The following LEPR variants were observed in gnomAD, a reference collection of about 807,000 sequenced individuals.
LEPR encodes leptin receptor, also known as OB receptor.
A neutral mutation model predicts 114.7 loss-of-function variants in LEPR; 56 were observed. The ratio of observed to expected loss-of-function variants is 0.49; its 90% confidence interval spans 0.39 to 0.61. The LOEUF (loss-of-function observed/expected upper bound fraction) is 0.61, where lower values mean the gene tolerates loss of function less well. LEPR is among the 20% of genes least tolerant of loss of function. LEPR has a pLI of 0.00. For missense variants in LEPR, 1,202 were observed against 1,352.9 expected (o/e 0.89, Z 1.75); for synonymous variants, 443 against 461.4 (o/e 0.96, Z 0.51).
At chr1:65,583,948 T>G (rs1194824847) in intron 5 of LEPR, among the ~76,000 whole-genome samples, 1 of 152,226 alleles carries the variant, frequency 6.6e-6, no homozygotes, top group Middle Eastern at 3.4e-3. Flanking sequence ...GCAAAATGCA[T>G]TTTTTGTAAA....
At position 65,618,060 on chromosome 1, in the gene LEPR, T is replaced by A. The variant is rs764656309; in HGVS notation, c.2309T>A (p.Phe770Tyr). 1.2e-6 allele frequency: 2 copies of A among 1,612,602 alleles called. No homozygotes were observed. The highest frequency in any genetic ancestry group is 1.7e-6 in the Non-Finnish European group (2 of 1,179,398). Reference sequence around the variant, plus strand: ...CCCAGTGATTACAAGCTAATGTATTTTATTATTGAGTGGAAAAATCTTAAT... The same window carrying A: ...CCCAGTGATTACAAGCTAATGTATTATATTATTGAGTGGAAAAATCTTAAT... ...LSPSDYKLMY[F>Y]IIEWKNLNED... Residue 770 changes from phenylalanine to tyrosine, a missense_variant, in exon 16 of 20, where the codon TTT becomes TAT. Phe to Tyr is a conservative substitution (Grantham distance 22). Transcript: ENST00000349533.
intron 2 of LEPR, chr1:65,427,862 A>T (rs1646410841): frequency 3.5e-6 from 1 of 286,470 alleles, no homozygotes; most frequent in African/African-American, 2.2e-5. Flanking sequence ...GCTGGTCTTG[A>T]ACTCCTGGCC....
intron 7 of LEPR, among the ~76,000 whole-genome samples, chr1:65,598,265 T>G (rs766069923): frequency 1.3e-5 from 2 of 151,934 alleles, no homozygotes; most frequent in African/African-American, 4.8e-5. Context: ...TTCATGCTCT[T>G]CTGTACAGGG....
intron 8 of LEPR, among the ~76,000 whole-genome samples, chr1:65,600,573 A>C (rs536767587): frequency 6.6e-6 from 1 of 152,160 alleles, no homozygotes; most frequent in African/African-American, 2.4e-5. Context: ...TACAACTGAA[A>C]TGTACTGACG....
At chr1:65,487,356 A>G (rs1198114360) in intron 2 of LEPR, among the ~76,000 whole-genome samples, 1 of 152,152 alleles carries the variant, frequency 6.6e-6, no homozygotes, top group African/African-American at 2.4e-5. Context: ...GATGTTTGTC[A>G]TATCTATTTT....
At chr1:65,542,739 T>A (rs964869392) in intron 2 of LEPR, among the ~76,000 whole-genome samples, 2 of 151,974 alleles carry the variant, frequency 1.3e-5, no homozygotes, top group Non-Finnish European at 1.5e-5. Context: ...CTGTGTTAGT[T>A]TGCTGAGAAT....
At chr1:65,518,426 C>A (rs901757051) in intron 2 of LEPR, among the ~76,000 whole-genome samples, 1 of 152,140 alleles carries the variant, frequency 6.6e-6, no homozygotes, top group African/African-American at 2.4e-5. Context: ...TTTTGTGTGA[C>A]TGAATACTGA....
At chr1:65,482,626 C>A (rs558988453) in intron 2 of LEPR, among the ~76,000 whole-genome samples, 1 of 152,074 alleles carries the variant, frequency 6.6e-6, no homozygotes, top group Non-Finnish European at 1.5e-5. Flanking sequence ...TGGTTACTTA[C>A]ATGGAAGAAG....
rs1262640272 is a variant in LEPR at position 65,641,367 on chromosome 1, T to A, written c.*4352T>A. 6.6e-6 allele frequency: 1 copy of A among 152,218 alleles called. No homozygotes were observed. The highest frequency in any genetic ancestry group is 1.9e-4 in the East Asian group (1 of 5,194). 9.4% of individuals were successfully genotyped at this position (152,218 alleles called of 1,614,324 possible). ...TTAATACTTTCTCTTTAGTCACAAC[T>A]GGTATTTTAATAAATGTTATAAACG... On this transcript the variant is annotated 3_prime_UTR_variant, in exon 20 of 20. Transcript: ENST00000349533.
chr1:65,458,524 A>T (rs1369170663), intron 2 of LEPR, among the ~76,000 whole-genome samples: 1 of 152,152 alleles, frequency 6.6e-6, no homozygotes, highest in Non-Finnish European at 1.5e-5. Flanking sequence ...TTTTGAAGAG[A>T]ATTCCAACGT....
chr1:65,544,703 T>A (rs1041649642), intron 2 of LEPR, among the ~76,000 whole-genome samples: 1 of 13,790 alleles, frequency 7.3e-5, no homozygotes, highest in East Asian at 2.9e-4. Flanking sequence ...AATCATGCGG[T>A]TTTTTTTTGC....
At chr1:65,513,672 G>T (rs920886992) in intron 2 of LEPR, among the ~76,000 whole-genome samples, 3 of 152,186 alleles carry the variant, frequency 2.0e-5, no homozygotes, top group African/African-American at 7.2e-5. Context: ...CAATTATCAG[G>T]ATTGTCAGAA....
chr1:65,615,581 G>A (rs1202898768), intron 14 of LEPR, among the ~76,000 whole-genome samples: 1 of 152,028 alleles, frequency 6.6e-6, no homozygotes, highest in African/African-American at 2.4e-5. Context: ...CACCTTCACA[G>A]CTCTTGTTGT....
chr1:65,452,161 A>G (rs368097881), intron 2 of LEPR, among the ~76,000 whole-genome samples: 27 of 152,246 alleles, frequency 1.8e-4, no homozygotes, highest in South Asian at 1.5e-3. Flanking sequence ...TTGCTTATCA[A>G]TTTAAGGAGA....
chr1:65,569,495 T>A (rs1216301744), intron 3 of LEPR, among the ~76,000 whole-genome samples: 1 of 151,986 alleles, frequency 6.6e-6, no homozygotes, highest in Non-Finnish European at 1.5e-5. Context: ...TCACCTGAGG[T>A]CAGGAGTTCG....
intron 2 of LEPR, among the ~76,000 whole-genome samples, chr1:65,504,571 AT>A (rs1482897533): frequency 6.6e-6 from 1 of 152,208 alleles, no homozygotes; most frequent in Non-Finnish European, 1.5e-5. Context: ...ATTGTACAAA[AT>A]ATCAGTACTT....
At chr1:65,448,420 T>C (rs1480863608) in intron 2 of LEPR, among the ~76,000 whole-genome samples, 1 of 152,210 alleles carries the variant, frequency 6.6e-6, no homozygotes, top group African/African-American at 2.4e-5. Context: ...TAGATTCAAT[T>C]TGCTAATATC....
At chr1:65,492,766 G>T (rs1196428332) in intron 2 of LEPR, among the ~76,000 whole-genome samples, 1 of 149,712 alleles carries the variant, frequency 6.7e-6, no homozygotes, top group East Asian at 2.0e-4. Flanking sequence ...TATTCTTGTT[G>T]TATGGGAATG....
chr1:65,507,514 T>C (rs532291609), intron 2 of LEPR, among the ~76,000 whole-genome samples: 22 of 119,436 alleles, frequency 1.8e-4, no homozygotes, highest in African/African-American at 5.2e-4. Flanking sequence ...TATATATACA[T>C]ATATATGTGT....
Sources: gnomAD v4.1 joint callset for allele counts (sites outside exome capture counted in the v4.1 genomes callset) on GRCh38, gnomAD v4.1.1 for gene constraint, MANE v1.5 for transcripts, NCBI Gene and HGNC (gene_info 2026-07-23, HGNC 2026-07-21) for gene names.